Variants in CDH12 observed in about 807,000 individuals in gnomAD.
CDH12 encodes the protein cadherin 12, also known as cadherin-12.
Under a neutral mutation model 74.1 loss-of-function variants are expected in CDH12, and 41 were observed. That is an observed-to-expected ratio of 0.55 (90% confidence interval 0.43 to 0.72). CDH12 has a LOEUF of 0.72. CDH12 is among the 30% of genes least tolerant of loss of function. The pLI is 0.00. For synonymous variants in CDH12, 399 were observed against 355.0 expected, an observed-to-expected ratio of 1.12 and a Z score of -1.39; for missense variants, 945 against 977.2, an observed-to-expected ratio of 0.97 and a Z score of 0.44.
intron 1 of CDH12, among the ~76,000 whole-genome samples, chr5:22,783,558 A>G (rs1381727116): frequency 6.6e-6 from 1 of 152,176 alleles, no homozygotes; most frequent in Non-Finnish European, 1.5e-5. Flanking sequence ...AACTTCAGGG[A>G]GTAAAGTCAG....
intron 6 of CDH12, among the ~76,000 whole-genome samples, chr5:21,859,701 T>C (rs1750934186): frequency 6.6e-6 from 1 of 151,948 alleles, no homozygotes; most frequent in African/African-American, 2.4e-5. Context: ...GATACAACAA[T>C]GATTCCATTA....
intron 2 of CDH12, among the ~76,000 whole-genome samples, chr5:22,502,665 C>T (rs1195915242): frequency 1.3e-5 from 2 of 151,856 alleles, no homozygotes; most frequent in Non-Finnish European, 2.9e-5. Context: ...CACACAGACA[C>T]ACACACACAA....
intron 6 of CDH12, among the ~76,000 whole-genome samples, chr5:21,875,908 T>TTTC (rs1751912206): frequency 6.6e-6 from 1 of 151,342 alleles, no homozygotes; most frequent in Non-Finnish European, 1.5e-5. Context: ...TTTTTTTTTT[T>TTTC]TTTTCTGAAA....
intron 4 of CDH12, among the ~76,000 whole-genome samples, chr5:22,096,956 A>G (rs1299058941): frequency 6.6e-6 from 1 of 152,178 alleles, no homozygotes; most frequent in Non-Finnish European, 1.5e-5. Context: ...ATGCAATAAT[A>G]GAGTAGAGGC....
At chr5:22,502,891 T>G (rs1322428468) in intron 2 of CDH12, among the ~76,000 whole-genome samples, 1 of 152,152 alleles carries the variant, frequency 6.6e-6, no homozygotes, top group Admixed American at 6.6e-5. Flanking sequence ...CAAATGGTTT[T>G]AAATTCACCA....
At chr5:22,456,737 G>T (rs532493802) in intron 2 of CDH12, among the ~76,000 whole-genome samples, 1 of 152,132 alleles carries the variant, frequency 6.6e-6, no homozygotes, top group South Asian at 2.1e-4. Context: ...TTTCAGTTTT[G>T]ACATAATTTA....
intron 1 of CDH12, among the ~76,000 whole-genome samples, chr5:22,544,811 T>C (rs1241941149): frequency 6.6e-6 from 1 of 150,928 alleles, no homozygotes; most frequent in African/African-American, 2.4e-5. Context: ...AGTGAGACTC[T>C]GTCAAAAAAA....
chr5:22,239,770 A>C (rs1190192141), intron 3 of CDH12, among the ~76,000 whole-genome samples: 1 of 152,194 alleles, frequency 6.6e-6, no homozygotes, highest in Non-Finnish European at 1.5e-5. Flanking sequence ...TAGTGAACTA[A>C]TCTATTATTA....
chr5:22,834,263 C>A (rs1481072011), intron 1 of CDH12, among the ~76,000 whole-genome samples: 1 of 151,974 alleles, frequency 6.6e-6, no homozygotes, highest in African/African-American at 2.4e-5. Context: ...AGCCAGGATG[C>A]TGATTTTCAA....
chr5:22,021,550 T>C (rs1737976946), intron 5 of CDH12, among the ~76,000 whole-genome samples: 1 of 152,178 alleles, frequency 6.6e-6, no homozygotes, highest in Non-Finnish European at 1.5e-5. Flanking sequence ...AACTTTACAA[T>C]TATGTGATAC....
At chr5:21,812,028 C>T (rs1263489368) in intron 9 of CDH12, among the ~76,000 whole-genome samples, 1 of 151,796 alleles carries the variant, frequency 6.6e-6, no homozygotes, top group African/African-American at 2.4e-5. Context: ...TCCCTCTATA[C>T]AGGAAATAGA....
intron 5 of CDH12, among the ~76,000 whole-genome samples, chr5:21,978,693 G>T (rs2150125446): frequency 6.6e-6 from 1 of 152,190 alleles, no homozygotes. Flanking sequence ...CAGTGAAGTT[G>T]AATGATCCAA....
At chr5:21,763,835 A>T (rs1291173569) in intron 12 of CDH12, among the ~76,000 whole-genome samples, 1 of 152,204 alleles carries the variant, frequency 6.6e-6, no homozygotes, top group African/African-American at 2.4e-5. Flanking sequence ...TCCTCATAAC[A>T]TCTTCCCACA....
intron 1 of CDH12, among the ~76,000 whole-genome samples, chr5:22,714,888 A>G (rs1743490476): frequency 6.6e-6 from 1 of 152,158 alleles, no homozygotes; most frequent in Admixed American, 6.6e-5. Context: ...AACAGATGTA[A>G]AACTCCTTTT....
chr5:22,498,901 C>CTTTTTTTT (rs34550762), intron 2 of CDH12, among the ~76,000 whole-genome samples: 18 of 73,410 alleles, frequency 2.5e-4, no homozygotes, highest in Admixed American at 3.6e-4. Context: ...TTTTCTGTTT[C>CTTTTTTTT]TTTTTTTTTT....
At chr5:22,744,509 GA>G (rs1745198061) in intron 1 of CDH12, among the ~76,000 whole-genome samples, 1 of 151,896 alleles carries the variant, frequency 6.6e-6, no homozygotes, top group Non-Finnish European at 1.5e-5. Context: ...CATTGATAAT[GA>G]AAAGTTTATA....
At chr5:22,002,238 A>G (rs1268780164) in intron 5 of CDH12, among the ~76,000 whole-genome samples, 1 of 152,192 alleles carries the variant, frequency 6.6e-6, no homozygotes, top group Non-Finnish European at 1.5e-5. Context: ...TACTTTATGC[A>G]AAGAAAACTT....
chr5:22,504,027 C>T (rs1418014204), intron 2 of CDH12, among the ~76,000 whole-genome samples: 1 of 151,842 alleles, frequency 6.6e-6, no homozygotes, highest in Non-Finnish European at 1.5e-5. Flanking sequence ...AAACCCCAAA[C>T]CAAAATTATC....
chr5:21,820,000 A>T (rs994869411), intron 8 of CDH12, among the ~76,000 whole-genome samples: 1 of 152,066 alleles, frequency 6.6e-6, no homozygotes, highest in African/African-American at 2.4e-5. Flanking sequence ...TTACACATCG[A>T]TGAAAATGAT....
Sources: gnomAD v4.1 joint callset for allele counts (sites outside exome capture counted in the v4.1 genomes callset) on GRCh38, gnomAD v4.1.1 for gene constraint, MANE v1.5 for transcripts, NCBI Gene and HGNC (gene_info 2026-07-23, HGNC 2026-07-21) for gene names.